BDP1: variants seen among roughly 807,000 people sequenced by gnomAD.
BDP1 encodes transcription factor TFIIIB component B'' homolog.
BDP1 carries 169 observed loss-of-function variants against 266.6 expected under a neutral mutation model. That is an observed-to-expected ratio of 0.63 (90% confidence interval 0.56 to 0.72). The LOEUF (loss-of-function observed/expected upper bound fraction) is 0.72, where lower values mean the gene tolerates loss of function less well. Ranked by LOEUF, BDP1 falls within the 30% of genes least tolerant of loss-of-function variation. The pLI, the probability that BDP1 is intolerant of heterozygous loss-of-function variation, is 0.00. For missense variants in BDP1, 3,015 were observed against 3,053.8 expected (o/e 0.99, Z 0.30); for synonymous variants, 1,090 against 1,022.4 (o/e 1.07, Z -1.26).
the BDP1 span, among the ~76,000 whole-genome samples, chr5:71,573,194 C>T: frequency 6.6e-6 from 1 of 150,840 alleles, no homozygotes; most frequent in African/African-American, 2.5e-5. Context: ...TGCCACCGCA[C>T]TCCAGCCTGG....
At chr5:71,485,063 A>T (rs531676041) in intron 8 of BDP1, among the ~76,000 whole-genome samples, 10 of 152,206 alleles carry the variant, frequency 6.6e-5, no homozygotes, top group Non-Finnish European at 1.3e-4. Context: ...GTAACACATT[A>T]TAGTCAGAAA....
At chr5:71,572,457 C>T (rs913805358), downstream of BDP1, among the ~76,000 whole-genome samples, 43 of 152,080 alleles carry the variant, frequency 2.8e-4, no homozygotes, top group Admixed American at 4.6e-4. Context: ...ATTGACAAGG[C>T]GAATGGGGAC....
intron 15 of BDP1, 106 bp downstream of exon 15, chr5:71,502,897 T>C: frequency 1.2e-6 from 1 of 833,546 alleles, no homozygotes; most frequent in Non-Finnish European, 1.8e-6. Flanking sequence ...ATACATTTAT[T>C]TATTTATTTA....
At chr5:71,577,684 G>A in the BDP1 span, among the ~76,000 whole-genome samples, 1 of 151,954 alleles carries the variant, frequency 6.6e-6, no homozygotes, top group East Asian at 1.9e-4. Flanking sequence ...AAATTCCAGA[G>A]TTTCAGCCTT....
intron 11 of BDP1, among the ~76,000 whole-genome samples, chr5:71,492,572 T>A (rs1480178594): frequency 6.6e-6 from 1 of 152,176 alleles, no homozygotes; most frequent in Non-Finnish European, 1.5e-5. Context: ...TGTGCCCAAT[T>A]TTTTAATTAG....
At chr5:71,554,908 C>A (rs469369) in intron 35 of BDP1, among the ~76,000 whole-genome samples, 67,545 of 151,852 alleles carry the variant, frequency 0.44, 15,409 homozygotes, top group South Asian at 0.55. Flanking sequence ...AGTTCCACAT[C>A]CCAAACCTGA....
chr5:71,470,732 C>T (rs989462231), intron 7 of BDP1, among the ~76,000 whole-genome samples: 1 of 151,834 alleles, frequency 6.6e-6, no homozygotes, highest in Non-Finnish European at 1.5e-5. Context: ...GTATTACAGG[C>T]ACCTGCCACC....
chr5:71,546,687 T>TA (rs1227115436), intron 32 of BDP1, among the ~76,000 whole-genome samples: 12 of 130,356 alleles, frequency 9.2e-5, no homozygotes, highest in Non-Finnish European at 1.9e-4. Context: ...AGTCCATAAA[T>TA]ACCTCATCTT....
chr5:71,471,803 A>T (rs1762270017), intron 7 of BDP1, among the ~76,000 whole-genome samples: 1 of 152,158 alleles, frequency 6.6e-6, no homozygotes, highest in Non-Finnish European at 1.5e-5. Context: ...TATCATGTTC[A>T]TTACATTAAT....
In BDP1 at chr5:71,539,055, G is replaced by C; in HGVS notation, c.5906G>C (p.Ser1969Thr). 2 of 1,604,176 alleles carry C rather than the reference G, an allele frequency of 1.2e-6. No homozygotes were observed. Among genetic ancestry groups the C allele is most frequent in the Non-Finnish European group, 1.7e-6 (2 of 1,173,486 alleles). ...TTTCCTTTTTAGGAAATGACCACAAGTGAACATATCCAAGATGAACCAGGT... is the reference window on the plus strand; with the variant it reads ...TTTCCTTTTTAGGAAATGACCACAACTGAACATATCCAAGATGAACCAGGT... ...NLSVPFEMTT[S>T]EHIQDEPGTN... is the part of the protein sequence containing the mutation. Residue 1969 changes from serine to threonine, a missense_variant, in exon 27 of 39, where the codon AGT becomes ACT. Ser to Thr is a moderately conservative substitution (Grantham distance 58, BLOSUM62 1). Transcript: ENST00000358731.
intron 2 of BDP1, 95 bp from the exon 3 acceptor site, chr5:71,461,718 CACTT>C (rs1761576504): frequency 9.4e-6 from 6 of 640,304 alleles, no homozygotes; most frequent in South Asian, 4.5e-5. Flanking sequence ...AATATTAAAG[CACTT>C]ACAGTGAACG....
intron 6 of BDP1, among the ~76,000 whole-genome samples, chr5:71,469,112 T>G: frequency 6.6e-6 from 1 of 152,204 alleles, no homozygotes. Flanking sequence ...ACTTCCCTAT[T>G]CCTATTCTCC....
At chr5:71,469,675 G>A (rs1324573369) in intron 6 of BDP1, among the ~76,000 whole-genome samples, 3 of 151,508 alleles carry the variant, frequency 2.0e-5, no homozygotes, top group East Asian at 3.9e-4. Context: ...GTGCAGTGGC[G>A]CCATCTCAGC....
At chr5:71,496,241 C>CAAAA (rs34456179) in intron 12 of BDP1, among the ~76,000 whole-genome samples, 7 of 110,102 alleles carry the variant, frequency 6.4e-5, no homozygotes, top group African/African-American at 1.7e-4. Context: ...GACTCCATTT[C>CAAAA]AAAAAAAAAA....
In BDP1 at chr5:71,510,504, A is replaced by G. The variant is rs1156258373; in HGVS notation, c.3412A>G (p.Thr1138Ala). 5.0e-6 allele frequency: 8 copies of G among 1,613,828 alleles called. No individual in the cohort carries two copies. The African/African-American group carries it at 6.7e-5, about 13-fold the overall frequency. Reference sequence around the variant, plus strand: ...GAAGACACCAGAGGTGATTGATGCCACTGAGGAAATAGACAAAGATCTGGA... The same window carrying G: ...GAAGACACCAGAGGTGATTGATGCCGCTGAGGAAATAGACAAAGATCTGGA... ...REKTPEVIDA[T>A]EEIDKDLEET... The change falls in exon 17 of 39, where the codon ACT becomes GCT. Residue 1138 changes from threonine to alanine, a missense_variant. Thr to Ala is a moderately conservative substitution (Grantham distance 58, BLOSUM62 0). This residue lies in a region of BDP1 where 2,383 missense variants were observed against 2,404.9 expected (regional missense o/e 0.99). Transcript: ENST00000358731.
intron 22 of BDP1, among the ~76,000 whole-genome samples, chr5:71,521,218 C>T (rs1765477127): frequency 6.7e-6 from 1 of 149,208 alleles, no homozygotes; most frequent in South Asian, 2.1e-4. Context: ...GTTTTTAATG[C>T]AGATCTTTCA....
intron 34 of BDP1, among the ~76,000 whole-genome samples, chr5:71,549,972 TAATA>T (rs1230218391): frequency 2.0e-5 from 3 of 152,226 alleles, no homozygotes; most frequent in Non-Finnish European, 4.4e-5. Flanking sequence ...AGTACAGTGG[TAATA>T]AATACAGTTT....
At chr5:71,533,712 C>A (rs1341048082) in intron 26 of BDP1, among the ~76,000 whole-genome samples, 1 of 151,846 alleles carries the variant, frequency 6.6e-6, no homozygotes, top group Non-Finnish European at 1.5e-5. Context: ...GATACTTTTA[C>A]CTCAGCCTTC....
chr5:71,549,236 TC>T (rs1554126777), intron 33 of BDP1, among the ~76,000 whole-genome samples, 183 bp from the exon 34 acceptor site: 5 of 151,668 alleles, frequency 3.3e-5, no homozygotes, highest in Non-Finnish European at 5.9e-5. Context: ...AGACTCTGTC[TC>T]CCCCCCGCAA....
Sources: gnomAD v4.1 joint callset for allele counts (sites outside exome capture counted in the v4.1 genomes callset) on GRCh38, gnomAD v4.1.1 for gene constraint, gnomAD v4.1.1 regional missense constraint, MANE v1.5 for transcripts, NCBI Gene and HGNC (gene_info 2026-07-23, HGNC 2026-07-21) for gene names.